Variants in ACTN2 observed in about 807,000 individuals in gnomAD.
The protein encoded by ACTN2 is alpha-actinin-2.
Under a neutral mutation model 113.8 loss-of-function variants are expected in ACTN2, and 39 were observed. That is an observed-to-expected ratio of 0.34 (90% CI 0.27 to 0.45). The LOEUF is 0.45. Ranked by LOEUF, ACTN2 falls within the 20% of genes least tolerant of loss-of-function variation. The pLI is 1.00. For missense variants in ACTN2, 992 were observed against 1,177.9 expected (o/e 0.84, Z 2.31); for synonymous variants, 429 against 444.1 (o/e 0.97, Z 0.43).
chr1:236,721,494 A>G (rs918312069), intron 4 of ACTN2, among the ~76,000 whole-genome samples: 1 of 152,144 alleles, frequency 6.6e-6, no homozygotes, highest in Non-Finnish European at 1.5e-5. Context: ...AGTCAAACTA[A>G]AATCTAATGG....
At position 236,727,673 on chromosome 1, in the gene ACTN2, T is replaced by A; in HGVS notation, c.537-5T>A. On this transcript the variant is annotated splice_polypyrimidine_tract_variant and splice_region_variant and intron_variant, in intron 5 of 20. Coordinates refer to ENST00000366578, the MANE Select transcript of ACTN2 (RefSeq NM_001103.4). ...GTGTTCCTGTTCTTCTCGACGGCTGTGAAGCTGGAAAGATGGCCTTGGACT... is the reference window on the plus strand; with the variant it reads ...GTGTTCCTGTTCTTCTCGACGGCTGAGAAGCTGGAAAGATGGCCTTGGACT... The A allele has an allele frequency of 6.2e-7, 1 of 1,614,152 alleles. No homozygotes were observed.
chr1:236,730,741 T>G (rs576171013), intron 6 of ACTN2, among the ~76,000 whole-genome samples: 1 of 152,314 alleles, frequency 6.6e-6, no homozygotes, highest in East Asian at 1.9e-4. Context: ...TGCTTTAACA[T>G]GAGTTTTGCC....
At chr1:236,744,505 G>GCC in intron 11 of ACTN2, 121 bp from the exon 12 acceptor site, 8 of 1,214,640 alleles carry the variant, frequency 6.6e-6, no homozygotes, top group Non-Finnish European at 9.5e-6. Flanking sequence ...CTTCAGTCCT[G>GCC]CCCCTCTCTG....
intron 7 of ACTN2, 74 bp downstream of exon 7, chr1:236,731,388 C>A: frequency 7.8e-7 from 1 of 1,276,752 alleles, no homozygotes; most frequent in Non-Finnish European, 1.1e-6. Flanking sequence ...ACATTGGGAC[C>A]TTGCAAAATT....
intron 1 of ACTN2, among the ~76,000 whole-genome samples, chr1:236,694,672 T>A (rs1163591819): frequency 6.6e-6 from 1 of 152,228 alleles, no homozygotes; most frequent in African/African-American, 2.4e-5. Context: ...ATGTGTTAAC[T>A]CCCAACTCAT....
intron 18 of ACTN2, among the ~76,000 whole-genome samples, chr1:236,758,023 T>C (rs1659598472): frequency 6.6e-6 from 1 of 152,196 alleles, no homozygotes; most frequent in African/African-American, 2.4e-5. Context: ...CTGGTCATAA[T>C]TTAACCCATT....
chr1:236,728,747 G>A (rs1384464529), intron 6 of ACTN2, among the ~76,000 whole-genome samples: 1 of 152,004 alleles, frequency 6.6e-6, no homozygotes, highest in East Asian at 2.0e-4. Context: ...GTAGTTTTAA[G>A]GCCGGATGTG....
At chr1:236,701,353 G>A (rs914698315) in intron 1 of ACTN2, among the ~76,000 whole-genome samples, 1 of 151,794 alleles carries the variant, frequency 6.6e-6, no homozygotes, top group East Asian at 1.9e-4. Context: ...GGTGAAGTGA[G>A]ATTTTTAATA....
intron 4 of ACTN2, among the ~76,000 whole-genome samples, chr1:236,725,034 C>G (rs935171047): frequency 1.6e-4 from 24 of 152,086 alleles, no homozygotes; most frequent in African/African-American, 5.8e-4. Context: ...CAACTACACA[C>G]AGTTTATTTT....
intron 1 of ACTN2, among the ~76,000 whole-genome samples, chr1:236,692,984 A>G (rs1215290899): frequency 1.3e-5 from 2 of 152,188 alleles, no homozygotes; most frequent in African/African-American, 2.4e-5. Context: ...GTTGGAGGAC[A>G]GTCAGAATCC....
chr1:236,718,076 A>C, intron 2 of ACTN2, 104 bp downstream of exon 2: 1 of 870,558 alleles, frequency 1.1e-6, no homozygotes. Flanking sequence ...TGGCTGGGCA[A>C]GAACATGGTA....
intron 12 of ACTN2, among the ~76,000 whole-genome samples, chr1:236,745,901 C>G (rs558561420): frequency 6.6e-6 from 1 of 152,132 alleles, no homozygotes; most frequent in East Asian, 1.9e-4. Flanking sequence ...CAGTGGCTCA[C>G]GCCTGTAACC....
intron 4 of ACTN2, among the ~76,000 whole-genome samples, chr1:236,725,567 C>T (rs953099022): frequency 6.6e-6 from 1 of 152,076 alleles, no homozygotes; most frequent in Non-Finnish European, 1.5e-5. Flanking sequence ...GCAGAGGTTG[C>T]AGTGAGCCAA....
chr1:236,712,653 T>C (rs1198006663), intron 1 of ACTN2, among the ~76,000 whole-genome samples: 1 of 152,122 alleles, frequency 6.6e-6, no homozygotes, highest in East Asian at 1.9e-4. Flanking sequence ...AGCGAGACCG[T>C]CTTATCTCTT....
chr1:236,710,182 G>A (rs1181167491), intron 1 of ACTN2, among the ~76,000 whole-genome samples: 1 of 152,228 alleles, frequency 6.6e-6, no homozygotes, highest in African/African-American at 2.4e-5. Flanking sequence ...CGTAGTCAAA[G>A]AGGATGATGT....
At chr1:236,749,006 A>C in intron 13 of ACTN2, 118 bp from the exon 14 acceptor site, 3 of 1,170,880 alleles carry the variant, frequency 2.6e-6, no homozygotes, top group Non-Finnish European at 3.7e-6. Context: ...TTGTAGACAC[A>C]TGCTAATACG....
intron 20 of ACTN2, 117 bp downstream of exon 20, chr1:236,761,290 T>C: frequency 8.2e-7 from 1 of 1,222,098 alleles, no homozygotes; most frequent in East Asian, 2.5e-5. Flanking sequence ...TTGTACAACA[T>C]TGGCACTGAT....
chr1:236,710,985 A>G (rs1417071187), intron 1 of ACTN2, among the ~76,000 whole-genome samples: 3 of 152,190 alleles, frequency 2.0e-5, no homozygotes, highest in Admixed American at 6.5e-5. Flanking sequence ...ATGTTCAGGA[A>G]TATAATGGAG....
intron 5 of ACTN2, among the ~76,000 whole-genome samples, chr1:236,726,912 G>C (rs1238487401): frequency 6.6e-6 from 1 of 152,184 alleles, no homozygotes; most frequent in African/African-American, 2.4e-5. Context: ...CACTCATCTT[G>C]CTTTTCTTTT....
Sources: gnomAD v4.1 joint callset for allele counts (sites outside exome capture counted in the v4.1 genomes callset) on GRCh38, gnomAD v4.1.1 for gene constraint, MANE v1.5 for transcripts, NCBI Gene and HGNC (gene_info 2026-07-23, HGNC 2026-07-21) for gene names.